Variants in TXNL1 observed in about 807,000 individuals in gnomAD.
TXNL1 encodes the protein thioredoxin-like protein 1.
TXNL1 carries 14 observed loss-of-function variants against 35.5 expected under a neutral mutation model. The observed-to-expected ratio is 0.39, with a 90% CI of 0.26 to 0.62. The LOEUF is 0.62. Among genes scored for constraint, TXNL1 ranks in the 20% least tolerant of loss-of-function variants. The probability of loss-of-function intolerance (pLI) is 0.47; values close to 1 mark genes in which losing one functional copy is unlikely to be tolerated. For synonymous variants in TXNL1, 110 were observed against 115.5 expected (o/e 0.95, Z 0.31); for missense variants, 263 against 349.7 (o/e 0.75, Z 1.98).
chr18:56,623,680 C>A (rs1855650825), intron 3 of TXNL1, among the ~76,000 whole-genome samples: 1 of 152,136 alleles, frequency 6.6e-6, no homozygotes, highest in Non-Finnish European at 1.5e-5. Context: ...GCAGTTTCCA[C>A]ACACTATCCT....
intron 1 of TXNL1, among the ~76,000 whole-genome samples, chr18:56,636,061 G>A (rs967969306): frequency 6.6e-6 from 1 of 152,078 alleles, no homozygotes. Flanking sequence ...ACAGAGGGCT[G>A]ACTGTCCTTA....
intron 1 of TXNL1, among the ~76,000 whole-genome samples, chr18:56,635,137 A>G (rs1356117417): frequency 6.6e-6 from 1 of 152,132 alleles, no homozygotes; most frequent in African/African-American, 2.4e-5. Flanking sequence ...ATGTGTCTGT[A>G]GTCCCATTTA....
chr18:56,597,721 T>C lies in TXNL1; in HGVS notation c.*5306A>G, dbSNP rs1234083017. 1 of 152,246 alleles carries C rather than the reference T, an allele frequency of 6.6e-6. No homozygotes were observed. Among genetic ancestry groups the C allele is most frequent in the African/African-American group, 2.4e-5 (1 of 41,464 alleles). 9.4% of individuals were successfully genotyped at this position (152,246 alleles called of 1,614,324 possible). On this transcript the variant is annotated 3_prime_UTR_variant, in exon 8 of 8. Transcript: ENST00000217515. ...TATACATATTTCAGTTTTCATCATC[T>C]AAACAACTCCTAGTTCCTTGCTTCT...
intron 5 of TXNL1, among the ~76,000 whole-genome samples, chr18:56,615,448 A>C (rs2144299262): frequency 7.5e-6 from 1 of 133,678 alleles, no homozygotes; most frequent in East Asian, 2.5e-4. Flanking sequence ...CCTCAGAAAA[A>C]GCTTAACAGA....
intron 5 of TXNL1, among the ~76,000 whole-genome samples, chr18:56,615,543 A>C (rs1428323763): frequency 2.0e-5 from 3 of 152,024 alleles, no homozygotes; most frequent in Middle Eastern, 3.2e-3. Context: ...TCATATTTAC[A>C]TGTATCGATA....
chr18:56,622,596 T>C (rs894000678), intron 3 of TXNL1, among the ~76,000 whole-genome samples: 5 of 152,182 alleles, frequency 3.3e-5, no homozygotes, highest in Non-Finnish European at 7.3e-5. Context: ...TCCATAACAT[T>C]TGCACAAAAA....
At chr18:56,604,085 T>C (rs1038683496) in intron 7 of TXNL1, among the ~76,000 whole-genome samples, 5 of 152,130 alleles carry the variant, frequency 3.3e-5, no homozygotes, top group Non-Finnish European at 7.4e-5. Context: ...TAGAAATGTT[T>C]TTCCCACCCT....
In TXNL1 at chr18:56,602,988, G is replaced by C. The variant is rs781172350; in HGVS notation, c.*39C>G. On this transcript the variant is annotated 3_prime_UTR_variant, in exon 8 of 8. Coordinates refer to ENST00000217515, the MANE Select transcript of TXNL1 (RefSeq NM_004786.3). The stretch of plus-strand genomic sequence containing the variant: ...ATCAAGCAATTATCCAGGAGCTGTA[G>C]ATCTGATTGCAATATGGTTGTCCAG... 1 of 1,607,390 alleles carries C rather than the reference G, an allele frequency of 6.2e-7. No individual in the cohort carries two copies. The highest frequency in any genetic ancestry group is 1.1e-5 in the South Asian group (1 of 90,898).
chr18:56,599,954 CCTA>C lies in TXNL1; in HGVS notation c.*3070_*3072del, dbSNP rs1397856773. On this transcript the variant is annotated 3_prime_UTR_variant, in exon 8 of 8. Coordinates refer to ENST00000217515, the MANE Select transcript of TXNL1 (RefSeq NM_004786.3). ...GAGATATACCTAACACAAAAATTAA[CCTA>C]CTAAATTGAACTATATGAGTATCAA... The C allele has an allele frequency of 1.3e-5, 2 of 152,052 alleles. No individual in the cohort carries two copies. Among genetic ancestry groups the C allele is most frequent in the East Asian group, 1.9e-4 (1 of 5,174 alleles). The allele number at this position is 152,052 out of a possible 1,614,324, so 9.4% of individuals were successfully genotyped here. A position where few individuals can be genotyped will look rare whatever the true frequency, so the allele number is the denominator to read the frequency against.
At chr18:56,606,386 G>A (rs1055625793) in intron 7 of TXNL1, among the ~76,000 whole-genome samples, 1 of 151,860 alleles carries the variant, frequency 6.6e-6, no homozygotes, top group African/African-American at 2.4e-5. Context: ...CAAAAAAAAA[G>A]AAAAAAATTT....
chr18:56,617,524 T>C (rs2024109442), intron 4 of TXNL1, among the ~76,000 whole-genome samples: 1 of 152,164 alleles, frequency 6.6e-6, no homozygotes, highest in South Asian at 2.1e-4. Flanking sequence ...AAAATGAAGA[T>C]TTAAAAAGCT....
In TXNL1 at chr18:56,599,059, ATACTC is replaced by A. The variant is rs1383304532; in HGVS notation, c.*3963_*3967del. The A allele has an allele frequency of 6.6e-6, 1 of 152,248 alleles. No homozygotes were observed. The highest frequency in any genetic ancestry group is 1.5e-5 in the Non-Finnish European group (1 of 68,034). The allele number at this position is 152,248 out of a possible 1,614,324, so 9.4% of individuals were successfully genotyped here. ...GAAGCATAGCAAGCACGAAGGAAAA[ATACTC>A]TAGCAGTTTTAACATTGCATATCCT... On this transcript the variant is annotated 3_prime_UTR_variant, in exon 8 of 8. Transcript: ENST00000217515.
At chr18:56,636,748 T>C (rs2024461590) in intron 1 of TXNL1, among the ~76,000 whole-genome samples, 1 of 152,094 alleles carries the variant, frequency 6.6e-6, no homozygotes, top group African/African-American at 2.4e-5. Flanking sequence ...TTATTATCTC[T>C]CCCACTGCTA....
chr18:56,633,307 C>T (rs989986578), intron 1 of TXNL1, among the ~76,000 whole-genome samples: 15 of 151,646 alleles, frequency 9.9e-5, no homozygotes, highest in African/African-American at 2.7e-4. Context: ...ATTAGCCGGG[C>T]GTGGTGGCGG....
At chr18:56,632,374 A>T (rs771083453) in intron 1 of TXNL1, among the ~76,000 whole-genome samples, 4 of 152,146 alleles carry the variant, frequency 2.6e-5, no homozygotes, top group Non-Finnish European at 5.9e-5. Context: ...CTTAATCACA[A>T]TTGGTATTAT....
At chr18:56,632,838 C>A (rs1464633005) in intron 1 of TXNL1, among the ~76,000 whole-genome samples, 8 of 152,176 alleles carry the variant, frequency 5.3e-5, no homozygotes, top group Admixed American at 5.2e-4. Context: ...TTCTCCAGGG[C>A]TTCAATATGC....
intron 1 of TXNL1, 66 bp downstream of exon 1, chr18:56,638,277 A>G (rs907205690): frequency 2.1e-4 from 312 of 1,493,652 alleles, no homozygotes; most frequent in Non-Finnish European, 3.9e-5. Context: ...AACCAGGGCC[A>G]ACAAAGAGTG....
chr18:56,632,335 T>A (rs994179294), intron 1 of TXNL1, among the ~76,000 whole-genome samples: 2 of 152,320 alleles, frequency 1.3e-5, no homozygotes, highest in Admixed American at 6.5e-5. Flanking sequence ...AAGCAATTTA[T>A]ACATGTGCTA....
At chr18:56,618,765 A>G (rs1022261142) in intron 3 of TXNL1, among the ~76,000 whole-genome samples, 1 of 152,152 alleles carries the variant, frequency 6.6e-6, no homozygotes, top group Non-Finnish European at 1.5e-5. Context: ...GAACTTAAAA[A>G]AAAACATTCT....
Sources: gnomAD v4.1 joint callset for allele counts (sites outside exome capture counted in the v4.1 genomes callset) on GRCh38, gnomAD v4.1.1 for gene constraint, MANE v1.5 for transcripts, NCBI Gene and HGNC (gene_info 2026-07-23, HGNC 2026-07-21) for gene names.